The following FBXO32 variants were observed in gnomAD, a reference collection of about 807,000 sequenced individuals.
FBXO32 encodes the protein F-box only protein 32.
Under a neutral mutation model 48.3 loss-of-function variants are expected in FBXO32, and 15 were observed. The observed-to-expected ratio is 0.31, with a 90% CI of 0.21 to 0.48. The LOEUF is 0.48. Among genes scored for constraint, FBXO32 ranks in the 20% least tolerant of loss-of-function variants. FBXO32 has a pLI of 0.99. For missense variants in FBXO32, 309 were observed against 432.7 expected (o/e 0.71, Z 2.54); for synonymous variants, 154 against 165.9 (o/e 0.93, Z 0.55).
Position 123,506,339 on chromosome 8 carries a change from G to A in FBXO32, c.834+53C>T. Reference sequence around the variant, plus strand: ...TTGAGCAGGGCACCAAGGAAGTTTGGGGTGAGGGCCAGAGAAGGAGGGTGG... The same window carrying A: ...TTGAGCAGGGCACCAAGGAAGTTTGAGGTGAGGGCCAGAGAAGGAGGGTGG... On this transcript the variant is annotated intron_variant, in intron 7 of 8. Transcript: ENST00000517956. This position sits in a 1 kb window ranked among gnomAD's most constrained non-coding sequence, Gnocchi z 4.0. 1 of 1,589,130 alleles carries A rather than the reference G, an allele frequency of 6.3e-7. No homozygotes were observed. Among genetic ancestry groups the A allele is most frequent in the Non-Finnish European group, 8.6e-7 (1 of 1,164,236 alleles).
In FBXO32 at chr8:123,499,614, A is replaced by G. The variant is rs1234765331; in HGVS notation, c.*3759T>C. 1 of 152,252 alleles carries G rather than the reference A, an allele frequency of 6.6e-6. No homozygotes were observed. The highest frequency in any genetic ancestry group is 1.5e-5 in the Non-Finnish European group (1 of 68,046). 9.4% of individuals were successfully genotyped at this position (152,252 alleles called of 1,614,324 possible). A position where few individuals can be genotyped will look rare whatever the true frequency, so the allele number is the denominator to read the frequency against. Reference sequence around the variant, plus strand: ...ATTATTGCCCTTCAGCCTGGCAGAAAAACATAAACTCAGGTGTATATTTTA... The same window carrying G: ...ATTATTGCCCTTCAGCCTGGCAGAAGAACATAAACTCAGGTGTATATTTTA... On this transcript the variant is annotated 3_prime_UTR_variant, in exon 9 of 9. Coordinates refer to ENST00000517956, the MANE Select transcript of FBXO32 (RefSeq NM_058229.4).
intron 4 of FBXO32, among the ~76,000 whole-genome samples, chr8:123,522,349 C>T (rs905272613): frequency 3.3e-5 from 5 of 151,776 alleles, no homozygotes; most frequent in African/African-American, 9.7e-5. Flanking sequence ...GCTGGGACTA[C>T]AAGTGCCTGC....
intron 4 of FBXO32, among the ~76,000 whole-genome samples, chr8:123,522,562 C>T (rs1017342382): frequency 1.3e-5 from 2 of 152,138 alleles, no homozygotes; most frequent in African/African-American, 4.8e-5. Context: ...ATCCATCTAA[C>T]AGCGATGTCT....
At position 123,541,127 on chromosome 8, in the gene FBXO32, G is replaced by A. The variant is rs1020499641; in HGVS notation, c.-113C>T. ...CAGGGGCCCGCGACGGGGGCGGCGG[G>A]GCGGCGGGAACGGCGCGGGGCACCC... On this transcript the variant is annotated 5_prime_UTR_variant, in exon 1 of 9. Transcript: ENST00000517956. The A allele has an allele frequency of 4.1e-5, 23 of 555,696 alleles. No individual in the cohort carries two copies. The Admixed American group carries it at 4.5e-4, about 11-fold the overall frequency. The allele number at this position is 555,696 out of a possible 1,614,324, so 34.4% of individuals were successfully genotyped here.
chr8:123,534,122 C>CA (rs74355915), intron 2 of FBXO32, among the ~76,000 whole-genome samples: 20,441 of 132,568 alleles, frequency 0.15, 1,521 homozygotes, highest in Middle Eastern at 0.23. Flanking sequence ...CAAAAAACAC[C>CA]AAAAAAAAAA....
intron 4 of FBXO32, 149 bp downstream of exon 4, chr8:123,531,749 A>G: frequency 4.6e-6 from 4 of 868,154 alleles, no homozygotes; most frequent in Non-Finnish European, 6.9e-6. Flanking sequence ...GTTGGGGAAG[A>G]AGGAGATTGA....
chr8:123,521,016 G>C (rs1816941130), intron 4 of FBXO32, among the ~76,000 whole-genome samples: 1 of 152,338 alleles, frequency 6.6e-6, no homozygotes, highest in East Asian at 1.9e-4. Flanking sequence ...TTCAAACGTG[G>C]CCTGCCCCGG....
intron 4 of FBXO32, chr8:123,526,876 A>C (rs1817088342): frequency 6.6e-6 from 1 of 151,730 alleles, no homozygotes; most frequent in Non-Finnish European, 1.5e-5. Flanking sequence ...TTTTTTCTGT[A>C]GAAATCCAGA....
rs1167405204 is a variant in FBXO32, at chr8:123,498,376, G to A, written c.*4997C>T. On this transcript the variant is annotated 3_prime_UTR_variant, in exon 9 of 9. Transcript: ENST00000517956. The stretch of plus-strand genomic sequence containing the variant: ...GAGTTTTAAGAAGTTCAGAGTTTTG[G>A]AGCAGCCATCATTTTTGGCCAAATG... 1 of 152,130 alleles carries A rather than the reference G, an allele frequency of 6.6e-6. No individual in the cohort carries two copies. Among genetic ancestry groups the A allele is most frequent in the Non-Finnish European group, 1.5e-5 (1 of 68,032 alleles). The allele number at this position is 152,130 out of a possible 1,614,324, so 9.4% of individuals were successfully genotyped here.
At chr8:123,517,627 G>A (rs549280934) in intron 4 of FBXO32, among the ~76,000 whole-genome samples, 67 of 151,392 alleles carry the variant, frequency 4.4e-4, no homozygotes, top group African/African-American at 1.5e-3. Context: ...TGCTAGCATC[G>A]TGGTAGGTGA....
Position 123,506,750 on chromosome 8 carries a change from G to A in FBXO32, c.652-176C>T. On this transcript the variant is annotated intron_variant, in intron 6 of 8. Transcript: ENST00000517956. The surrounding 1 kb of genome is among the most constrained non-coding windows in gnomAD (Gnocchi z 4.0). ...AATGCAGACAGGAGACCATGGCCAT[G>A]ACCCTCAATGAAGTGTGGAGTGCGC... The A allele has an allele frequency of 1.6e-6, 1 of 606,100 alleles. No individual in the cohort carries two copies. The highest frequency in any genetic ancestry group is 2.0e-5 in the South Asian group (1 of 49,098). 37.5% of individuals were successfully genotyped at this position (606,100 alleles called of 1,614,324 possible).
Position 123,532,002 on chromosome 8 carries a change from A to AACAAAG in FBXO32, c.280-18_280-13dup. ...CAATATCCATGGCGCTGAACATGAA[A>AACAAAG]ACAAAGGCACAGAAGTTACTCCTGC... On this transcript the variant is annotated splice_polypyrimidine_tract_variant and intron_variant, in intron 3 of 8. Transcript: ENST00000517956. 6.2e-7 allele frequency: 1 copy of AACAAAG among 1,613,918 alleles called. No homozygotes were observed. The highest frequency in any genetic ancestry group is 8.5e-7 in the Non-Finnish European group (1 of 1,179,924).
At position 123,513,273 on chromosome 8, in the gene FBXO32, G is replaced by A. The variant is rs376347679; in HGVS notation, c.576C>T (p.Asn192=). The change falls in exon 6 of 9, where the codon AAC becomes AAT. Residue 192 remains asparagine (N), a synonymous_variant. Coordinates refer to ENST00000517956, the MANE Select transcript of FBXO32 (RefSeq NM_058229.4). The surrounding 1 kb of genome is among the most constrained non-coding windows in gnomAD (Gnocchi z 4.3). ...QRVGKSVLVG[N]INMWVYRMET... ...CCATCCGATACACCCACATGTTAAT[G>A]TTCCCGACCAGCACAGACTTGCCGA... The A allele has an allele frequency of 2.5e-6, 4 of 1,614,094 alleles. No homozygotes were observed. The highest frequency in any genetic ancestry group is 1.3e-5 in the African/African-American group (1 of 74,930).
At chr8:123,511,664 T>C (rs931194133) in intron 6 of FBXO32, among the ~76,000 whole-genome samples, 4 of 152,042 alleles carry the variant, frequency 2.6e-5, no homozygotes, top group African/African-American at 9.7e-5. Flanking sequence ...TTAGTAGAGA[T>C]GGAGTTTCAC....
rs972715518 is a variant in FBXO32, at chr8:123,525,916, G to A, written c.372+5982C>T. 6.6e-6 allele frequency among the ~76,000 whole-genome samples: 1 copy of A among 151,998 alleles called. No individual in the cohort carries two copies. Among genetic ancestry groups the A allele is most frequent in the Non-Finnish European group, 1.5e-5 (1 of 68,012 alleles). On this transcript the variant is annotated intron_variant, in intron 4 of 8. Coordinates refer to ENST00000517956, the MANE Select transcript of FBXO32 (RefSeq NM_058229.4). The surrounding 1 kb of genome is among the most constrained non-coding windows in gnomAD (Gnocchi z 4.3). Reference sequence around the variant, plus strand: ...CTTTCTGAAACACTGCTTGGCCAAGGTGCTGTTTCTTGTTTTTTTTCCAGT... The same window carrying A: ...CTTTCTGAAACACTGCTTGGCCAAGATGCTGTTTCTTGTTTTTTTTCCAGT...
intron 4 of FBXO32, among the ~76,000 whole-genome samples, chr8:123,520,688 C>A (rs972871161): frequency 1.3e-5 from 2 of 152,150 alleles, no homozygotes; most frequent in Non-Finnish European, 2.9e-5. Context: ...AGGCTTCTTA[C>A]GTCTTCTTCC....
At chr8:123,536,022 T>C (rs1174091434) in intron 1 of FBXO32, among the ~76,000 whole-genome samples, 1 of 152,214 alleles carries the variant, frequency 6.6e-6, no homozygotes, top group Non-Finnish European at 1.5e-5. Context: ...AAGCAACTTC[T>C]AGTATCTTTT....
At chr8:123,522,290 C>T (rs1431731226) in intron 4 of FBXO32, among the ~76,000 whole-genome samples, 1 of 149,526 alleles carries the variant, frequency 6.7e-6, no homozygotes, top group African/African-American at 2.5e-5. Context: ...CTCACTGCAA[C>T]CTCTGCCTTT....
In FBXO32 at chr8:123,513,403, ATAAT is replaced by A. The variant is rs763655642; in HGVS notation, c.467-25_467-22del. ...AAGGACTTGAGTAGGGAAGAAAAAA[ATAAT>A]TAAAGTTATGATACTGGAACACCCT... is the stretch of plus-strand genomic sequence containing the variant. On this transcript the variant is annotated intron_variant, in intron 5 of 8. Coordinates refer to ENST00000517956, the MANE Select transcript of FBXO32 (RefSeq NM_058229.4). The surrounding 1 kb of genome is among the most constrained non-coding windows in gnomAD (Gnocchi z 4.3). The A allele has an allele frequency of 6.2e-7, 1 of 1,601,580 alleles. No homozygotes were observed. Among genetic ancestry groups the A allele is most frequent in the East Asian group, 2.2e-5 (1 of 44,680 alleles).
Sources: allele counts gnomAD v4.1 joint callset (sites outside exome capture counted in the v4.1 genomes callset), GRCh38; gene constraint gnomAD v4.1.1; non-coding constraint Gnocchi (gnomAD v3.1); transcripts MANE v1.5; gene names NCBI Gene and HGNC (gene_info 2026-07-23, HGNC 2026-07-21).